SCN3B: variants seen among roughly 807,000 people sequenced by gnomAD.
SCN3B encodes sodium voltage-gated channel beta subunit 3.
In SCN3B, 11 loss-of-function variants were observed where a neutral mutation model predicts 25.4. The ratio of observed to expected loss-of-function variants is 0.43; its 90% CI spans 0.27 to 0.72. SCN3B has a LOEUF of 0.72. Among genes scored for constraint, SCN3B ranks in the 30% least tolerant of loss-of-function variants. The pLI is 0.18. For synonymous variants in SCN3B, 109 were observed against 110.7 expected (o/e 0.99, Z 0.09); for missense variants, 218 against 278.3 (o/e 0.78, Z 1.54).
At chr11:123,637,649 C>T (rs979997365) in intron 5 of SCN3B, among the ~76,000 whole-genome samples, 1 of 152,160 alleles carries the variant, frequency 6.6e-6, no homozygotes, top group African/African-American at 2.4e-5. Context: ...CTGCCTCAGC[C>T]TCCCGAGTAG....
chr11:123,650,691 A>G (rs984869845), intron 2 of SCN3B, among the ~76,000 whole-genome samples: 2 of 152,320 alleles, frequency 1.3e-5, no homozygotes, highest in East Asian at 3.9e-4. Context: ...GATTGTGCAT[A>G]GTAGCACATG....
rs1414309308 is a variant in SCN3B, at chr11:123,642,761, C to T, written c.220-90G>A. ...TTAGGGACAGGGCAGAGAAAAGGAG[C>T]AGAATTGTGCATGGACAGGGAAGAG... On this transcript the variant is annotated intron_variant, in intron 3 of 6. Coordinates refer to ENST00000299333, the MANE Select transcript of SCN3B (RefSeq NM_001040151.2). This position sits in a 1 kb window ranked among gnomAD's most constrained non-coding sequence, Gnocchi z 4.3. 1 of 951,550 alleles carries T rather than the reference C, an allele frequency of 1.1e-6. No individual in the cohort carries two copies. Among genetic ancestry groups the T allele is most frequent in the Non-Finnish European group, 1.7e-6 (1 of 604,444 alleles). The allele number at this position is 951,550 out of a possible 1,614,324, so 58.9% of individuals were successfully genotyped here.
At chr11:123,650,102 T>G (rs145329815) in intron 2 of SCN3B, among the ~76,000 whole-genome samples, 5 of 152,306 alleles carry the variant, frequency 3.3e-5, no homozygotes, top group African/African-American at 1.2e-4. Flanking sequence ...AGTAACAAAC[T>G]CTTGGAATAA....
chr11:123,645,888 G>C, intron 2 of SCN3B, 138 bp from the exon 3 acceptor site: 1 of 855,962 alleles, frequency 1.2e-6, no homozygotes, highest in Non-Finnish European at 1.9e-6. Context: ...AAAAAGCCAC[G>C]TGCACATGTC....
At chr11:123,652,729 CAT>C (rs368065735) in intron 2 of SCN3B, among the ~76,000 whole-genome samples, 253 of 152,306 alleles carry the variant, frequency 1.7e-3, no homozygotes, top group African/African-American at 5.6e-3. Context: ...AGGATCTAAT[CAT>C]AGACACCAAG....
intron 4 of SCN3B, among the ~76,000 whole-genome samples, chr11:123,641,826 A>G (rs1044654088): frequency 2.6e-5 from 4 of 152,258 alleles, no homozygotes; most frequent in African/African-American, 9.6e-5. Context: ...TACTGTGAAG[A>G]AAGACAAAAG....
chr11:123,638,654 C>G, intron 4 of SCN3B: 1 of 375,258 alleles, frequency 2.7e-6, no homozygotes. Context: ...ACTTGAGACT[C>G]AGTTTCTTAA....
At chr11:123,653,716 G>A in intron 2 of SCN3B, 31 bp downstream of exon 2, 1 of 1,611,168 alleles carries the variant, frequency 6.2e-7, no homozygotes, top group Non-Finnish European at 8.5e-7. Context: ...ACTGTTACCT[G>A]CATCCGGCAT....
chr11:123,648,711 A>G (rs1194615568), intron 2 of SCN3B, among the ~76,000 whole-genome samples: 1 of 152,260 alleles, frequency 6.6e-6, no homozygotes, highest in African/African-American at 2.4e-5. Context: ...CTATACACAT[A>G]TCTGTGTGAA....
At chr11:123,641,898 C>T (rs759284124) in intron 4 of SCN3B, among the ~76,000 whole-genome samples, 5 of 152,208 alleles carry the variant, frequency 3.3e-5, no homozygotes, top group Non-Finnish European at 7.3e-5. Context: ...CCAGCAGCAG[C>T]ACTGCCCGCC....
intron 6 of SCN3B, 41 bp from the exon 7 acceptor site, chr11:123,633,817 G>C (rs948867711): frequency 2.7e-6 from 1 of 369,100 alleles, no homozygotes; most frequent in South Asian, 2.3e-5. Context: ...TTCCCACCCA[G>C]TCCAGCCCAG....
At position 123,633,700 on chromosome 11, in the gene SCN3B, G is replaced by T. The variant is rs544688579; in HGVS notation, c.*99C>A. The T allele has an allele frequency of 7.3e-6, 2 of 275,194 alleles. No individual in the cohort carries two copies. Among genetic ancestry groups the T allele is most frequent in the Non-Finnish European group, 1.4e-5 (2 of 139,834 alleles). The allele number at this position is 275,194 out of a possible 1,614,324, so 17.0% of individuals were successfully genotyped here. ...AATGGATGCATGAAGGGAAGCGATG[G>T]GGCCCTTGGGGCGCCCTCCTGATGC... On this transcript the variant is annotated 3_prime_UTR_variant, in exon 7 of 7. Coordinates refer to ENST00000299333, the MANE Select transcript of SCN3B (RefSeq NM_001040151.2).
intron 2 of SCN3B, among the ~76,000 whole-genome samples, chr11:123,647,812 C>G (rs1467967991): frequency 1.3e-5 from 2 of 152,156 alleles, no homozygotes; most frequent in African/African-American, 4.8e-5. Flanking sequence ...ACTAGTGGCA[C>G]TAGAATTAAC....
chr11:123,631,990 T>C lies in SCN3B; in HGVS notation c.*1809A>G, dbSNP rs1955678414. ...GTCCCAGGTCTGAGGGACCTCTCTC[T>C]CGCTGAATCCCAGTCACCTTCATCT... On this transcript the variant is annotated 3_prime_UTR_variant, in exon 7 of 7. Transcript: ENST00000299333. The C allele has an allele frequency of 6.6e-6, 1 of 152,206 alleles. No homozygotes were observed. The highest frequency in any genetic ancestry group is 2.1e-4 in the South Asian group (1 of 4,828). The allele number at this position is 152,206 out of a possible 1,614,324, so 9.4% of individuals were successfully genotyped here.
intron 2 of SCN3B, among the ~76,000 whole-genome samples, chr11:123,652,741 G>A (rs906237730): frequency 6.6e-6 from 1 of 152,152 alleles, no homozygotes; most frequent in Non-Finnish European, 1.5e-5. Context: ...TAGACACCAA[G>A]GCAGACATGC....
At chr11:123,641,980 C>T (rs763511427) in intron 4 of SCN3B, among the ~76,000 whole-genome samples, 1 of 152,096 alleles carries the variant, frequency 6.6e-6, no homozygotes, top group Non-Finnish European at 1.5e-5. Flanking sequence ...TCCAAAAAGC[C>T]CTGCAGGAGA....
chr11:123,639,079 C>T (rs59729072), intron 4 of SCN3B: 11,093 of 152,992 alleles, frequency 0.073, 896 homozygotes, highest in African/African-American at 0.2. Flanking sequence ...AGGATGAAGC[C>T]CCAACTCTGT....
At chr11:123,652,323 C>T (rs1444633983) in intron 2 of SCN3B, among the ~76,000 whole-genome samples, 2 of 152,224 alleles carry the variant, frequency 1.3e-5, no homozygotes, top group Non-Finnish European at 2.9e-5. Flanking sequence ...CTGGTCTACT[C>T]TACTGGGGAT....
In SCN3B at chr11:123,633,963, T is replaced by C; in HGVS notation, c.*22+158A>G. On this transcript the variant is annotated intron_variant, in intron 6 of 6. Transcript: ENST00000299333. ...CGAAGCGCTGACATCATACAGAGCT[T>C]TCTGACTTAAAGAATTACCCTGAGG... 6.2e-6 allele frequency: 4 copies of C among 642,342 alleles called. No individual in the cohort carries two copies. In the South Asian group the frequency reaches 6.6e-5, roughly 11 times the overall value. The allele number at this position is 642,342 out of a possible 1,614,324, so 39.8% of individuals were successfully genotyped here.
Sources: gnomAD v4.1 joint callset for allele counts (sites outside exome capture counted in the v4.1 genomes callset) on GRCh38, gnomAD v4.1.1 for gene constraint, Gnocchi (gnomAD v3.1) non-coding constraint, MANE v1.5 for transcripts, NCBI Gene and HGNC (gene_info 2026-07-23, HGNC 2026-07-21) for gene names.